USP18: variants seen among roughly 807,000 people sequenced by gnomAD.
USP18 encodes ubl carboxyl-terminal hydrolase 18.
In USP18, 11 loss-of-function variants were observed where a neutral mutation model predicts 48.7. The ratio of observed to expected loss-of-function variants is 0.23; its 90% CI spans 0.14 to 0.37. The LOEUF is 0.37. Among genes scored for constraint, USP18 ranks in the 10% least tolerant of loss-of-function variants. The pLI is 1.00. For missense variants in USP18, 285 were observed against 436.4 expected (o/e 0.65, Z 3.09); for synonymous variants, 114 against 163.2 (o/e 0.70, Z 2.30).
intron 10 of USP18, among the ~76,000 whole-genome samples, chr22:18,175,432 C>G (rs1357604762): frequency 6.7e-6 from 1 of 150,110 alleles, no homozygotes; most frequent in Non-Finnish European, 1.5e-5. Context: ...ATCTTTCTCT[C>G]TTGTTTATTC....
intron 7 of USP18, among the ~76,000 whole-genome samples, chr22:18,170,551 GT>G (rs1055459478): frequency 2.0e-5 from 3 of 151,080 alleles, no homozygotes; most frequent in African/African-American, 7.4e-5. Flanking sequence ...TGTGCCTCTT[GT>G]GGGGGGCCAC....
chr22:18,167,036 G>T (rs1929493210), intron 4 of USP18, among the ~76,000 whole-genome samples: 1 of 152,142 alleles, frequency 6.6e-6, no homozygotes, highest in South Asian at 2.1e-4. Flanking sequence ...ACTACATCTG[G>T]CACTGGAGCT....
intron 1 of USP18, among the ~76,000 whole-genome samples, chr22:18,154,638 A>G (rs893238301): frequency 1.5e-5 from 2 of 135,492 alleles, no homozygotes; most frequent in South Asian, 4.9e-4. Flanking sequence ...ATGGGGTCTC[A>G]GTATGTTGCC....
rs373010994 is a variant in USP18 at position 18,153,918 on chromosome 22, A to G, written c.-106-3640A>G. ...CATTCTCTTGTAATGGCTGAATAAC[A>G]TCCCATTTTGTGTATATAGTCCACA... is the stretch of plus-strand genomic sequence containing the variant. On this transcript the variant is annotated intron_variant, in intron 1 of 10. Coordinates refer to ENST00000215794, the MANE Select transcript of USP18 (RefSeq NM_017414.4). 6.6e-5 allele frequency among the ~76,000 whole-genome samples: 10 copies of G among 152,074 alleles called. No homozygotes were observed. The East Asian group carries it at 1.2e-3, about 18-fold the overall frequency.
In USP18 at chr22:18,169,929, G is replaced by A. The variant is rs373096161; in HGVS notation, c.713G>A (p.Arg238His). Residue 238 changes from arginine to histidine, a missense_variant, in exon 7 of 11, where the codon CGT (arginine) becomes CAT (histidine). Arg to His is a conservative substitution (Grantham distance 29). Around this residue, in one of 5 missense-constraint regions of USP18, gnomAD observed 34 missense variants for 94.8 expected, o/e 0.36. Transcript: ENST00000215794. ...CFCENCGKKT[R>H]GKQVLKLTHL... Reference sequence around the variant, plus strand: ...TGTGAGAACTGTGGGAAGAAGACCCGTGGGAAACAGGTACTCATTCCCTAA... The same window carrying A: ...TGTGAGAACTGTGGGAAGAAGACCCATGGGAAACAGGTACTCATTCCCTAA... The A allele has an allele frequency of 1.4e-5, 23 of 1,598,348 alleles. No homozygotes were observed. Among genetic ancestry groups the A allele is most frequent in the South Asian group, 2.3e-5 (2 of 88,320 alleles).
intron 1 of USP18, among the ~76,000 whole-genome samples, chr22:18,155,532 C>G (rs1476107671): frequency 9.9e-5 from 15 of 152,180 alleles, no homozygotes; most frequent in Admixed American, 9.8e-4. Context: ...GAGGGAGAGG[C>G]AGGGGCGGGA....
chr22:18,174,547 T>G (rs1929729899), intron 10 of USP18, among the ~76,000 whole-genome samples: 1 of 152,078 alleles, frequency 6.6e-6, no homozygotes, highest in South Asian at 2.1e-4. Flanking sequence ...ATGCTTTTAT[T>G]GCATTTGAGC....
intron 2 of USP18, 93 bp downstream of exon 2, chr22:18,157,913 C>T (rs922263728): frequency 4.6e-6 from 7 of 1,513,408 alleles, no homozygotes; most frequent in South Asian, 1.2e-5. Flanking sequence ...TTGTATTCGA[C>T]GGCTCATGCT....
At chr22:18,152,916 A>G (rs921920178) in intron 1 of USP18, among the ~76,000 whole-genome samples, 3 of 152,166 alleles carry the variant, frequency 2.0e-5, no homozygotes, top group African/African-American at 7.2e-5. Context: ...CATCTTGGAA[A>G]ATGCAGCCTG....
At chr22:18,172,841 C>T (rs1332456655) in intron 8 of USP18, among the ~76,000 whole-genome samples, 1 of 150,252 alleles carries the variant, frequency 6.7e-6, no homozygotes, top group African/African-American at 2.5e-5. Flanking sequence ...TGTGGAGAAA[C>T]AGAACTGTGT....
chr22:18,168,156 A>T, intron 6 of USP18, 120 bp downstream of exon 6: 1 of 1,479,558 alleles, frequency 6.8e-7, no homozygotes, highest in Non-Finnish European at 9.1e-7. Flanking sequence ...TGGGAAGTCA[A>T]GGTTGAGGGG....
chr22:18,174,375 G>C (rs1406452294), intron 10 of USP18, among the ~76,000 whole-genome samples: 1 of 150,954 alleles, frequency 6.6e-6, no homozygotes, highest in Non-Finnish European at 1.5e-5. Context: ...CTACAGGTGT[G>C]TGCCACCACG....
chr22:18,160,411 T>G, intron 3 of USP18, 143 bp downstream of exon 3: 1 of 931,486 alleles, frequency 1.1e-6, no homozygotes, highest in East Asian at 2.7e-5. Flanking sequence ...GTTCAAGCGA[T>G]TCTCCTGCTT....
At chr22:18,150,862 G>A (rs5992184) in intron 1 of USP18, among the ~76,000 whole-genome samples, 60,571 of 152,130 alleles carry the variant, frequency 0.4, 13,188 homozygotes, top group African/African-American at 0.57. Context: ...TGAGGCAGGA[G>A]AATCGCTTGA....
intron 4 of USP18, among the ~76,000 whole-genome samples, chr22:18,163,874 C>T (rs1929399967): frequency 6.6e-6 from 1 of 152,096 alleles, no homozygotes; most frequent in Non-Finnish European, 1.5e-5. Flanking sequence ...AGAAACCAGC[C>T]CCTTGAGGTG....
chr22:18,170,169 G>T (rs1447297384), intron 7 of USP18, among the ~76,000 whole-genome samples: 1 of 150,816 alleles, frequency 6.6e-6, no homozygotes, highest in Admixed American at 6.6e-5. Context: ...ATGGGGGAGG[G>T]CAGACTGTAT....
chr22:18,160,365 G>C, intron 3 of USP18, 97 bp downstream of exon 3: 1 of 1,437,138 alleles, frequency 7.0e-7, no homozygotes, highest in Non-Finnish European at 9.7e-7. Context: ...GAGTGCAGTG[G>C]CATGATCTTG....
intron 1 of USP18, among the ~76,000 whole-genome samples, chr22:18,155,541 G>A (rs1929107750): frequency 6.6e-6 from 1 of 152,208 alleles, no homozygotes; most frequent in Non-Finnish European, 1.5e-5. Flanking sequence ...GCAGGGGCGG[G>A]AACTGGGGCT....
intron 1 of USP18, among the ~76,000 whole-genome samples, chr22:18,151,922 C>A (rs555478643): frequency 6.6e-6 from 1 of 152,236 alleles, no homozygotes; most frequent in East Asian, 1.9e-4. Flanking sequence ...GGCGTGGCGG[C>A]AGGCGCCTGT....
Sources: gnomAD v4.1 joint callset for allele counts (sites outside exome capture counted in the v4.1 genomes callset) on GRCh38, gnomAD v4.1.1 for gene constraint, gnomAD v4.1.1 regional missense constraint, MANE v1.5 for transcripts, NCBI Gene and HGNC (gene_info 2026-07-23, HGNC 2026-07-21) for gene names.